PSMA7: variants seen among roughly 807,000 people sequenced by gnomAD.
PSMA7 encodes the protein proteasome subunit alpha type-7.
PSMA7 carries 5 observed loss-of-function variants against 31.3 expected under a neutral mutation model. The observed-to-expected ratio is 0.16, with a 90% CI of 0.08 to 0.34. The LOEUF (loss-of-function observed/expected upper bound fraction) is 0.34. PSMA7 is among the 10% of genes least tolerant of loss of function. The probability of loss-of-function intolerance (pLI) is 1.00; values close to 1 mark genes in which losing one functional copy is unlikely to be tolerated. For missense variants in PSMA7, 217 were observed against 327.5 expected, an observed-to-expected ratio of 0.66 and a Z score of 2.60; for synonymous variants, 155 against 121.9, an observed-to-expected ratio of 1.27 and a Z score of -1.79.
intron 3 of PSMA7, 188 bp downstream of exon 3, chr20:62,139,593 G>A: frequency 4.2e-6 from 4 of 948,374 alleles, no homozygotes. Flanking sequence ...GCCAGGAACT[G>A]AGAACAGAAC....
At chr20:62,139,525 G>C (rs2056914511) in intron 3 of PSMA7, 2 of 719,838 alleles carry the variant, frequency 2.8e-6, no homozygotes, top group Non-Finnish European at 4.6e-6. Context: ...TGGTCACTCA[G>C]GATGGCAAGA....
intron 2 of PSMA7, among the ~76,000 whole-genome samples, chr20:62,140,162 C>A (rs2056918949): frequency 6.6e-6 from 1 of 152,154 alleles, no homozygotes; most frequent in Non-Finnish European, 1.5e-5. Context: ...AATGCATTTA[C>A]TACCCCATAA....
At chr20:62,142,976 G>A (rs1568728425) in intron 1 of PSMA7, among the ~76,000 whole-genome samples, 1 of 150,208 alleles carries the variant, frequency 6.7e-6, no homozygotes, top group Non-Finnish European at 1.5e-5. Flanking sequence ...CCCAAGCGAG[G>A]CGCTGAGTGG....
intron 5 of PSMA7, 26 bp downstream of exon 5, chr20:62,138,145 T>C (rs375799135): frequency 3.0e-5 from 49 of 1,613,922 alleles, no homozygotes; most frequent in Non-Finnish European, 3.9e-5. Flanking sequence ...TTCACCACCT[T>C]GCCTGGATTC....
chr20:62,139,628 G>C (rs1417528867), intron 3 of PSMA7, 153 bp downstream of exon 3: 9 of 1,277,082 alleles, frequency 7.0e-6, no homozygotes, highest in Non-Finnish European at 9.0e-6. Context: ...TGGTGAGCTA[G>C]GTCAAGTTAC....
At chr20:62,137,494 G>A (rs1383864487) in intron 5 of PSMA7, 68 bp from the exon 6 acceptor site, 3 of 1,483,450 alleles carry the variant, frequency 2.0e-6, no homozygotes, top group Non-Finnish European at 2.8e-6. Context: ...GCTCTCAGGA[G>A]TACCTTAAAT....
chr20:62,139,908 G>C lies in PSMA7; in HGVS notation c.224-3C>G. 1 of 1,612,892 alleles carries C rather than the reference G, an allele frequency of 6.2e-7. No individual in the cohort carries two copies. The highest frequency in any genetic ancestry group is 8.5e-7 in the Non-Finnish European group (1 of 1,179,778). On this transcript the variant is annotated splice_polypyrimidine_tract_variant and splice_region_variant and intron_variant, in intron 2 of 6. Coordinates refer to ENST00000370873, the MANE Select transcript of PSMA7 (RefSeq NM_002792.4). ...TATCCTTGCATCGGCGGTGAGGCCT[G>C]CAAGGAAAGCAGAGAGGCTTCTGCT...
In PSMA7 at chr20:62,139,817, C is replaced by T. The variant is rs777925934; in HGVS notation, c.312G>A (p.Val104=). Residue 104 remains valine, a synonymous_variant, in exon 3 of 7, where the codon GTG becomes GTA. Transcript: ENST00000370873. ...HRLTVEDPVT[V]EYITRYIASL... Reference sequence around the variant, plus strand: ...TGGCGATGTAGCGGGTGATGTACTCCACAGTGACCGGGTCCTCCACAGTCA... The same window carrying T: ...TGGCGATGTAGCGGGTGATGTACTCTACAGTGACCGGGTCCTCCACAGTCA... 6.2e-6 allele frequency: 10 copies of T among 1,614,100 alleles called. No homozygotes were observed. Among genetic ancestry groups the T allele is most frequent in the Non-Finnish European group, 8.5e-6 (10 of 1,180,038 alleles).
chr20:62,139,413 G>C (rs747120906), intron 3 of PSMA7: 6 of 674,976 alleles, frequency 8.9e-6, no homozygotes, highest in South Asian at 6.1e-5. Context: ...TGTGAACTCA[G>C]GTTACTGGAA....
At chr20:62,139,301 C>T in intron 3 of PSMA7, 104 bp from the exon 4 acceptor site, 1 of 1,390,016 alleles carries the variant, frequency 7.2e-7, no homozygotes. Context: ...ATGCCTGAGC[C>T]CCTTCTCAGG....
At position 62,140,898 on chromosome 20, in the gene PSMA7, T is replaced by G; in HGVS notation, c.143A>C (p.Lys48Thr). 4 of 1,614,248 alleles carry G rather than the reference T, an allele frequency of 2.5e-6. No homozygotes were observed. The highest frequency in any genetic ancestry group is 3.4e-6 in the Non-Finnish European group (4 of 1,180,032). Residue 48 changes from lysine to threonine, a missense_variant, in exon 2 of 7, where the codon AAG (lysine) becomes ACG (threonine). Lys to Thr is a moderately conservative substitution (Grantham distance 78). Around this residue, in one of 3 missense-constraint regions of PSMA7, gnomAD observed 76 missense variants for 96.5 expected, o/e 0.79. Transcript: ENST00000370873. Reference protein sequence around the residue: ...RDIVVLGVEKKSVAKLQDERT... With the variant: ...RDIVVLGVEKTSVAKLQDERT... Reference sequence around the variant, plus strand: ...TTCATCCTGCAGTTTGGCCACTGACTTCTTCTCCACACCAAGAACAACAAT... The same window carrying G: ...TTCATCCTGCAGTTTGGCCACTGACGTCTTCTCCACACCAAGAACAACAAT...
intron 2 of PSMA7, 133 bp from the exon 3 acceptor site, chr20:62,140,038 A>G (rs904725032): frequency 3.7e-5 from 45 of 1,231,904 alleles, no homozygotes; most frequent in Non-Finnish European, 4.6e-5. Context: ...ACTGACTGGC[A>G]GCGGAACCTA....
At chr20:62,141,742 T>C (rs1209457855) in intron 1 of PSMA7, among the ~76,000 whole-genome samples, 1 of 152,230 alleles carries the variant, frequency 6.6e-6, no homozygotes, top group African/African-American at 2.4e-5. Flanking sequence ...GTGACAGCCA[T>C]GAGAAGGGGC....
intron 3 of PSMA7, 80 bp from the exon 4 acceptor site, chr20:62,139,277 G>A (rs2056913208): frequency 2.2e-5 from 33 of 1,531,728 alleles, no homozygotes; most frequent in Non-Finnish European, 2.8e-5. Flanking sequence ...GTGAAGATAC[G>A]AACATTTTAA....
intron 2 of PSMA7, among the ~76,000 whole-genome samples, chr20:62,140,306 T>C (rs55766494): frequency 5.1e-4 from 77 of 152,328 alleles, no homozygotes; most frequent in Admixed American, 8.5e-4. Context: ...TGAGTCCTCT[T>C]GGGAATCTTA....
At chr20:62,137,322 G>C in intron 6 of PSMA7, 42 bp downstream of exon 6, 1 of 1,594,896 alleles carries the variant, frequency 6.3e-7, no homozygotes, top group Non-Finnish European at 8.6e-7. Flanking sequence ...GATCATGGGA[G>C]AAAACTGACA....
chr20:62,141,413 T>A (rs1448741669), intron 1 of PSMA7, among the ~76,000 whole-genome samples: 1 of 152,228 alleles, frequency 6.6e-6, no homozygotes, highest in East Asian at 1.9e-4. Flanking sequence ...CCTCTACTTG[T>A]CTGTCACTGT....
chr20:62,139,995 C>G, intron 2 of PSMA7, 90 bp from the exon 3 acceptor site: 1 of 1,477,260 alleles, frequency 6.8e-7, no homozygotes, highest in Middle Eastern at 2.5e-4. Flanking sequence ...TAACCTTCCA[C>G]AGACCCCCCA....
chr20:62,137,455 A>G (rs2281740), intron 5 of PSMA7, 29 bp from the exon 6 acceptor site: 1,263,155 of 1,610,320 alleles, frequency 0.78, 499,506 homozygotes, highest in East Asian at 0.81. Flanking sequence ...AGGAGCATTA[A>G]CCACCTTTCC....
Sources: gnomAD v4.1 joint callset for allele counts (sites outside exome capture counted in the v4.1 genomes callset) on GRCh38, gnomAD v4.1.1 for gene constraint, gnomAD v4.1.1 regional missense constraint, MANE v1.5 for transcripts, NCBI Gene and HGNC (gene_info 2026-07-23, HGNC 2026-07-21) for gene names.